TFDP2: variants seen among roughly 807,000 people sequenced by gnomAD.
TFDP2 encodes transcription factor Dp-2.
A neutral mutation model predicts 59.3 loss-of-function variants in TFDP2; 17 were observed. That is an observed-to-expected ratio of 0.29 (90% confidence interval 0.20 to 0.43). The LOEUF (loss-of-function observed/expected upper bound fraction) is 0.43. TFDP2 is among the 20% of genes least tolerant of loss of function. The probability of loss-of-function intolerance (pLI) is 1.00; values close to 1 mark genes in which losing one functional copy is unlikely to be tolerated. For synonymous variants in TFDP2, 180 were observed against 194.7 expected (o/e 0.92, Z 0.63); for missense variants, 391 against 528.8 (o/e 0.74, Z 2.56).
chr3:142,030,805 C>G (rs1164835200), intron 3 of TFDP2, among the ~76,000 whole-genome samples: 8 of 143,120 alleles, frequency 5.6e-5, no homozygotes, highest in African/African-American at 7.9e-5. Flanking sequence ...TGCAGTGGCG[C>G]GATCTCGGCT....
intron 1 of TFDP2, among the ~76,000 whole-genome samples, chr3:142,134,404 G>C (rs1448385102): frequency 6.6e-6 from 1 of 151,464 alleles, no homozygotes; most frequent in Non-Finnish European, 1.5e-5. Context: ...TTTCAGACAT[G>C]AAAATTTTAC....
intron 1 of TFDP2, among the ~76,000 whole-genome samples, chr3:142,108,357 C>T (rs891667717): frequency 2.6e-5 from 4 of 151,916 alleles, no homozygotes; most frequent in Non-Finnish European, 5.9e-5. Context: ...TTACAGGAGC[C>T]TGCCACCACG....
At chr3:141,987,365 C>A (rs1184335336) in intron 6 of TFDP2, among the ~76,000 whole-genome samples, 1 of 151,042 alleles carries the variant, frequency 6.6e-6, no homozygotes, top group African/African-American at 2.4e-5. Flanking sequence ...TCACTGCAGC[C>A]TCTGCCTCCA....
At position 141,956,009 on chromosome 3, in the gene TFDP2, T is replaced by A. The variant is rs1159458922; in HGVS notation, c.1052-2993A>T. 2.6e-5 allele frequency among the ~76,000 whole-genome samples: 4 copies of A among 152,176 alleles called. No individual in the cohort carries two copies. The East Asian group carries it at 7.7e-4, about 29-fold the overall frequency. On this transcript the variant is annotated intron_variant, in intron 11 of 12. Coordinates refer to ENST00000489671, the MANE Select transcript of TFDP2 (RefSeq NM_001178139.2). The stretch of plus-strand genomic sequence containing the variant: ...TTTTAGTAGAGATGGGGTTTTGCCA[T>A]GTTGGTCAGCCTGGTCTTGAACTCC...
intron 3 of TFDP2, among the ~76,000 whole-genome samples, chr3:142,088,398 T>C (rs1163601748): frequency 6.6e-6 from 1 of 151,646 alleles, no homozygotes; most frequent in African/African-American, 2.4e-5. Flanking sequence ...TGGCGTGATC[T>C]TGACGCACTG....
chr3:142,108,618 T>G (rs2061554936), intron 1 of TFDP2, among the ~76,000 whole-genome samples: 1 of 152,214 alleles, frequency 6.6e-6, no homozygotes, highest in Non-Finnish European at 1.5e-5. Flanking sequence ...TACACAGTAT[T>G]CCTTTACATC....
At chr3:142,031,274 C>G (rs1200872316) in intron 3 of TFDP2, among the ~76,000 whole-genome samples, 1 of 152,124 alleles carries the variant, frequency 6.6e-6, no homozygotes, top group Non-Finnish European at 1.5e-5. Context: ...TTTCCCATTC[C>G]TTCCTTCAAT....
Position 142,127,758 on chromosome 3 carries a change from T to C in TFDP2, c.-93+21425A>G, listed in dbSNP as rs1228699781. Among the ~76,000 whole-genome samples the C allele has an allele frequency of 2.0e-5, 3 of 152,296 alleles. No homozygotes were observed. The East Asian group carries it at 5.8e-4, about 29-fold the overall frequency. On this transcript the variant is annotated intron_variant, in intron 1 of 12. Coordinates refer to ENST00000489671, the MANE Select transcript of TFDP2 (RefSeq NM_001178139.2). ...AGCCTCCCAAACCATTTATAAGTTA[T>C]ATATACATAATTAAAATATATCTTA...
At chr3:142,078,836 AG>A (rs1368659385) in intron 3 of TFDP2, among the ~76,000 whole-genome samples, 3 of 152,186 alleles carry the variant, frequency 2.0e-5, no homozygotes, top group Non-Finnish European at 4.4e-5. Context: ...AGAGGAAAAG[AG>A]GTATGTGACC....
intron 3 of TFDP2, among the ~76,000 whole-genome samples, chr3:142,029,393 T>TA (rs1447051132): frequency 1.3e-5 from 2 of 152,142 alleles, no homozygotes; most frequent in African/African-American, 4.8e-5. Flanking sequence ...ATTTCCAGGT[T>TA]AGTCCCTTTA....
chr3:142,022,814 C>T (rs771209974), intron 3 of TFDP2, among the ~76,000 whole-genome samples: 29 of 152,056 alleles, frequency 1.9e-4, no homozygotes, highest in Non-Finnish European at 3.2e-4. Context: ...TGCAGACAGA[C>T]TTTGAATTAA....
chr3:142,116,135 G>T (rs1434770675), intron 1 of TFDP2, among the ~76,000 whole-genome samples: 1 of 151,550 alleles, frequency 6.6e-6, no homozygotes, highest in African/African-American at 2.4e-5. Context: ...TGCAATCACA[G>T]CTCATTGCAA....
At position 141,974,150 on chromosome 3, in the gene TFDP2, A is replaced by G; in HGVS notation, c.561T>C (p.Ala187=). The G allele has an allele frequency of 6.2e-7, 1 of 1,612,608 alleles. No individual in the cohort carries two copies. Among genetic ancestry groups the G allele is most frequent in the South Asian group, 1.1e-5 (1 of 90,720 alleles). Reference sequence around the variant, plus strand: ...TGTTCATTGCCATTAGCACATTTAAAGCATCATAAACTCTTCGCCTAATGT... The same window carrying G: ...TGTTCATTGCCATTAGCACATTTAAGGCATCATAAACTCTTCGCCTAATGT... The part of the protein sequence containing the change: ...QKNIRRRVYD[A]LNVLMAMNII... The change falls in exon 8 of 13, where the codon GCT becomes GCC. Residue 187 remains alanine (A), a synonymous_variant. Coordinates refer to ENST00000489671, the MANE Select transcript of TFDP2 (RefSeq NM_001178139.2).
intron 3 of TFDP2, among the ~76,000 whole-genome samples, chr3:142,072,855 T>C (rs771044718): frequency 2.0e-5 from 3 of 152,198 alleles, no homozygotes; most frequent in Non-Finnish European, 4.4e-5. Flanking sequence ...AGAGTTCTAA[T>C]TGGTGTAAAT....
At chr3:142,101,865 T>A (rs935417606) in intron 1 of TFDP2, 24 bp from the exon 2 acceptor site, 1 of 528,726 alleles carries the variant, frequency 1.9e-6, no homozygotes. Context: ...ACAGAGGGAA[T>A]AGTAATGTAA....
intron 1 of TFDP2, among the ~76,000 whole-genome samples, chr3:142,122,101 A>G (rs945379124): frequency 5.3e-5 from 8 of 152,214 alleles, no homozygotes; most frequent in Non-Finnish European, 1.0e-4. Flanking sequence ...CCAAAGAACT[A>G]AAAACTCACT....
At chr3:141,979,879 G>A (rs1398699047) in intron 6 of TFDP2, among the ~76,000 whole-genome samples, 3 of 151,310 alleles carry the variant, frequency 2.0e-5, no homozygotes, top group Non-Finnish European at 2.9e-5. Context: ...GTGAGCCACT[G>A]CGCCTGGCCC....
intron 7 of TFDP2, among the ~76,000 whole-genome samples, chr3:141,974,437 T>C (rs1451484132): frequency 8.3e-6 from 1 of 120,814 alleles, no homozygotes; most frequent in African/African-American, 3.1e-5. Context: ...AAAGATCATG[T>C]TACCTGCAGA....
At chr3:142,061,768 T>C (rs1463460325) in intron 3 of TFDP2, among the ~76,000 whole-genome samples, 1 of 152,014 alleles carries the variant, frequency 6.6e-6, no homozygotes, top group African/African-American at 2.4e-5. Flanking sequence ...AGACTCAGAC[T>C]GAATGACATC....
Sources: gnomAD v4.1 joint callset for allele counts (sites outside exome capture counted in the v4.1 genomes callset) on GRCh38, gnomAD v4.1.1 for gene constraint, MANE v1.5 for transcripts, NCBI Gene and HGNC (gene_info 2026-07-23, HGNC 2026-07-21) for gene names.